The following ANKIB1 variants were observed in gnomAD, a reference collection of about 807,000 sequenced individuals.
The protein encoded by ANKIB1 is ankyrin repeat and IBR domain-containing protein 1.
In ANKIB1, 43 loss-of-function variants were observed where a neutral mutation model predicts 122.1. That is an observed-to-expected ratio of 0.35 (90% confidence interval 0.28 to 0.45). The LOEUF is 0.45. Ranked by LOEUF, ANKIB1 falls within the 20% of genes least tolerant of loss-of-function variation. The pLI is 1.00. For missense variants in ANKIB1, 992 were observed against 1,329.5 expected (o/e 0.75, Z 3.95); for synonymous variants, 390 against 442.0 (o/e 0.88, Z 1.48).
At chr7:92,283,682 G>A (rs1452612382) in intron 1 of ANKIB1, among the ~76,000 whole-genome samples, 7 of 152,050 alleles carry the variant, frequency 4.6e-5, no homozygotes, top group South Asian at 2.1e-4. Flanking sequence ...AATGCCTATC[G>A]CCTAGTGACC....
chr7:92,315,728 A>G (rs1802781323), intron 3 of ANKIB1, among the ~76,000 whole-genome samples: 2 of 152,222 alleles, frequency 1.3e-5, no homozygotes, highest in Admixed American at 6.5e-5. Context: ...GTTAGGAGGT[A>G]TTAATGACTT....
chr7:92,378,084 A>G (rs1466532610), intron 11 of ANKIB1, among the ~76,000 whole-genome samples: 1 of 152,238 alleles, frequency 6.6e-6, no homozygotes, highest in African/African-American at 2.4e-5. Context: ...TATTACAGGG[A>G]TAAAACTCTA....
intron 1 of ANKIB1, among the ~76,000 whole-genome samples, chr7:92,273,577 GAAGT>G (rs1801841487): frequency 6.6e-6 from 1 of 152,170 alleles, no homozygotes; most frequent in Non-Finnish European, 1.5e-5. Flanking sequence ...TGATGAAGAT[GAAGT>G]AAATGTAGGG....
rs1203352922 is a variant in ANKIB1 at position 92,246,444 on chromosome 7, A to G, written c.-166A>G. ...TACCTGAGGTCACCAGCTCGGCTGTAGAGGCAGGGGCGGCGGAGGCGGAAC... is the reference window on the plus strand; with the variant it reads ...TACCTGAGGTCACCAGCTCGGCTGTGGAGGCAGGGGCGGCGGAGGCGGAAC... On this transcript the variant is annotated 5_prime_UTR_variant, in exon 1 of 20. Coordinates refer to ENST00000265742, the MANE Select transcript of ANKIB1 (RefSeq NM_019004.2). The G allele has an allele frequency of 3.9e-6, 2 of 517,874 alleles. No individual in the cohort carries two copies. The highest frequency in any genetic ancestry group is 3.9e-5 in the African/African-American group (2 of 51,928). The allele number at this position is 517,874 out of a possible 1,614,324, so 32.1% of individuals were successfully genotyped here. A position where few individuals can be genotyped will look rare whatever the true frequency, so the allele number is the denominator to read the frequency against.
chr7:92,283,677 CT>C (rs1448044115), intron 1 of ANKIB1, among the ~76,000 whole-genome samples: 9 of 152,186 alleles, frequency 5.9e-5, no homozygotes, highest in African/African-American at 2.2e-4. Flanking sequence ...GAAAAAATGC[CT>C]ATCGCCTAGT....
At chr7:92,280,461 C>CT (rs1408632712) in intron 1 of ANKIB1, among the ~76,000 whole-genome samples, 1 of 134,700 alleles carries the variant, frequency 7.4e-6, no homozygotes, top group South Asian at 2.5e-4. Context: ...CCCCCCCCCC[C>CT]TTTTTTTCCT....
intron 1 of ANKIB1, among the ~76,000 whole-genome samples, chr7:92,247,645 T>C (rs921524037): frequency 6.6e-6 from 1 of 152,212 alleles, no homozygotes; most frequent in Non-Finnish European, 1.5e-5. Flanking sequence ...TTCCAGAAAT[T>C]AGATTTAAAA....
chr7:92,271,320 T>C (rs1446513125), intron 1 of ANKIB1, among the ~76,000 whole-genome samples: 3 of 152,240 alleles, frequency 2.0e-5, no homozygotes, highest in Admixed American at 6.5e-5. Context: ...TATGAATCTG[T>C]GTCTGTCCCT....
In ANKIB1 at chr7:92,327,777, TCAAA is replaced by T; in HGVS notation, c.670-5_670-2del. 6.5e-7 allele frequency: 1 copy of T among 1,527,784 alleles called. No homozygotes were observed. The highest frequency in any genetic ancestry group is 1.3e-5 in the South Asian group (1 of 78,560). The allele number at this position is 1,527,784 out of a possible 1,614,324, so 94.6% of individuals were successfully genotyped here. A position where few individuals can be genotyped will look rare whatever the true frequency, so the allele number is the denominator to read the frequency against. On this transcript the variant is annotated splice_acceptor_variant and splice_polypyrimidine_tract_variant and intron_variant, in intron 4 of 19. Transcript: ENST00000265742. LOFTEE classifies it high-confidence loss of function. ...CCATTTAACTTTATTTTTTTTCTTTTCAAAGCCATATGAAGGATTAAGGCCTCAG... is the reference window on the plus strand; with the variant it reads ...CCATTTAACTTTATTTTTTTTCTTTTGCCATATGAAGGATTAAGGCCTCAG...
At chr7:92,260,771 A>G (rs919098255) in intron 1 of ANKIB1, among the ~76,000 whole-genome samples, 1 of 151,330 alleles carries the variant, frequency 6.6e-6, no homozygotes, top group African/African-American at 2.4e-5. Context: ...TGCTGGCTTT[A>G]TTTGAGAAAG....
Position 92,399,115 on chromosome 7 carries a change from T to A in ANKIB1, c.*166T>A. On this transcript the variant is annotated 3_prime_UTR_variant, in exon 20 of 20. Coordinates refer to ENST00000265742, the MANE Select transcript of ANKIB1 (RefSeq NM_019004.2). ...TTGAATGGTAGCTTCATTTTTTATT[T>A]TAACCTTACAGGGAATTTCCTTTGT... 2.9e-6 allele frequency: 2 copies of A among 682,546 alleles called. No individual in the cohort carries two copies. The highest frequency in any genetic ancestry group is 4.3e-6 in the Non-Finnish European group (2 of 467,804). 42.3% of individuals were successfully genotyped at this position (682,546 alleles called of 1,614,324 possible).
At chr7:92,293,320 CTG>C (rs1048287941) in intron 1 of ANKIB1, among the ~76,000 whole-genome samples, 11 of 152,170 alleles carry the variant, frequency 7.2e-5, no homozygotes, top group Non-Finnish European at 1.5e-4. Context: ...ATGTCGAACA[CTG>C]TGCATATTAT....
At chr7:92,382,238 A>G (rs569843196) in intron 11 of ANKIB1, among the ~76,000 whole-genome samples, 29 of 152,300 alleles carry the variant, frequency 1.9e-4, no homozygotes, top group African/African-American at 6.7e-4. Flanking sequence ...GATTCATAAA[A>G]AAAGTCCTGA....
chr7:92,360,109 A>T (rs559988831), intron 9 of ANKIB1, among the ~76,000 whole-genome samples: 1 of 152,256 alleles, frequency 6.6e-6, no homozygotes, highest in South Asian at 2.1e-4. Flanking sequence ...TTAAGTATGC[A>T]ATTCAGTGAC....
intron 1 of ANKIB1, among the ~76,000 whole-genome samples, chr7:92,261,220 G>A: frequency 6.6e-6 from 1 of 151,356 alleles, no homozygotes. Flanking sequence ...GTGGTAGCGG[G>A]CGCCTGTAGT....
chr7:92,282,327 G>A (rs1315539505), intron 1 of ANKIB1, among the ~76,000 whole-genome samples: 1 of 151,812 alleles, frequency 6.6e-6, no homozygotes, highest in Non-Finnish European at 1.5e-5. Context: ...CTATTTTTTT[G>A]TATTTTTAGT....
chr7:92,259,601 A>G (rs1801518594), intron 1 of ANKIB1, among the ~76,000 whole-genome samples: 2 of 152,242 alleles, frequency 1.3e-5, no homozygotes, highest in African/African-American at 2.4e-5. Context: ...ATTTAATAGC[A>G]TGTGTAAATT....
chr7:92,378,822 CAA>C (rs779218621), intron 11 of ANKIB1, among the ~76,000 whole-genome samples: 54 of 152,082 alleles, frequency 3.6e-4, no homozygotes, highest in Admixed American at 1.6e-3. Context: ...CTGCTACAAA[CAA>C]AAATTCAGTT....
intron 3 of ANKIB1, among the ~76,000 whole-genome samples, chr7:92,318,377 G>A (rs535592603): frequency 1.3e-5 from 2 of 152,196 alleles, no homozygotes; most frequent in South Asian, 2.1e-4. Flanking sequence ...TTAGCTGGGC[G>A]TGGTGGCGGG....
Sources: gnomAD v4.1 joint callset for allele counts (sites outside exome capture counted in the v4.1 genomes callset) on GRCh38, gnomAD v4.1.1 for gene constraint, MANE v1.5 for transcripts, NCBI Gene and HGNC (gene_info 2026-07-23, HGNC 2026-07-21) for gene names.